TXNDC9: variants seen among roughly 807,000 people sequenced by gnomAD.
The protein encoded by TXNDC9 is thioredoxin domain-containing protein 9.
A neutral mutation model predicts 23.0 loss-of-function variants in TXNDC9; 7 were observed. The ratio of observed to expected loss-of-function variants is 0.30; its 90% confidence interval spans 0.17 to 0.57. The LOEUF (loss-of-function observed/expected upper bound fraction) is 0.57. TXNDC9 is among the 20% of genes least tolerant of loss of function. The pLI is 0.90. For synonymous variants in TXNDC9, 72 were observed against 90.6 expected, an observed-to-expected ratio of 0.79 and a Z score of 1.17; for missense variants, 198 against 252.6, an observed-to-expected ratio of 0.78 and a Z score of 1.47.
At chr2:99,329,064 G>C (rs955033743) in intron 2 of TXNDC9, among the ~76,000 whole-genome samples, 1 of 152,152 alleles carries the variant, frequency 6.6e-6, no homozygotes, top group Non-Finnish European at 1.5e-5. Flanking sequence ...CAGCTCTGAA[G>C]CTCAAGAGCC....
At chr2:99,335,279 C>T (rs1031367719) in intron 1 of TXNDC9, among the ~76,000 whole-genome samples, 1 of 152,272 alleles carries the variant, frequency 6.6e-6, no homozygotes, top group African/African-American at 2.4e-5. Flanking sequence ...CCTCTATAAA[C>T]GTTGAGCTGA....
the TXNDC9 span, among the ~76,000 whole-genome samples, chr2:99,309,560 A>C: frequency 3.9e-3 from 597 of 151,750 alleles, 5 homozygotes; most frequent in African/African-American, 0.014. Context: ...GGGGCTGGAC[A>C]TGGTGGCTCA....
downstream of TXNDC9, among the ~76,000 whole-genome samples, chr2:99,316,591 TTAA>T (rs1484439034): frequency 6.6e-6 from 1 of 152,156 alleles, no homozygotes; most frequent in Non-Finnish European, 1.5e-5. Flanking sequence ...TGATCTTGGA[TTAA>T]TGTTTTCATC....
rs146892716 is a variant in TXNDC9 at position 99,324,305 on chromosome 2, G to A, written c.309-2096C>T. Among the ~76,000 whole-genome samples, 541 of 152,226 alleles carry A rather than the reference G, an allele frequency of 3.6e-3. 4 individuals are homozygous for A. The highest frequency in any genetic ancestry group is 0.013 in the African/African-American group (523 of 41,536). Reference sequence around the variant, plus strand: ...TTATTTTTACCAGTAAGCTTTTTGTGCACTTGATGTAGTTTTTCCTGAACT... The same window carrying A: ...TTATTTTTACCAGTAAGCTTTTTGTACACTTGATGTAGTTTTTCCTGAACT... On this transcript the variant is annotated intron_variant, in intron 3 of 4. Coordinates refer to ENST00000264255, the MANE Select transcript of TXNDC9 (RefSeq NM_005783.4).
chr2:99,334,813 G>A (rs1383157850), intron 1 of TXNDC9, among the ~76,000 whole-genome samples: 1 of 152,140 alleles, frequency 6.6e-6, no homozygotes, highest in Non-Finnish European at 1.5e-5. Context: ...CTGGGTTCAC[G>A]CCATTCTCCT....
the TXNDC9 span, among the ~76,000 whole-genome samples, chr2:99,307,001 A>C: frequency 2.6e-5 from 3 of 116,606 alleles, no homozygotes; most frequent in African/African-American, 3.2e-5. Context: ...CACCAAGTTC[A>C]ATTCCCTCCC....
At chr2:99,309,712 A>G in the TXNDC9 span, among the ~76,000 whole-genome samples, 1 of 151,886 alleles carries the variant, frequency 6.6e-6, no homozygotes, top group Admixed American at 6.6e-5. Flanking sequence ...TTTGAGACAG[A>G]GTCTCACTCT....
chr2:99,325,385 T>C (rs2094210862), intron 3 of TXNDC9, among the ~76,000 whole-genome samples: 1 of 152,196 alleles, frequency 6.6e-6, no homozygotes, highest in Non-Finnish European at 1.5e-5. Context: ...CAAATCTTGG[T>C]TTCCATACAT....
At chr2:99,322,281 A>C in intron 3 of TXNDC9, 72 bp from the exon 4 acceptor site, 2 of 1,530,258 alleles carry the variant, frequency 1.3e-6, no homozygotes, top group Admixed American at 2.1e-5. Flanking sequence ...AATATCATCA[A>C]GGGAAATCTA....
chr2:99,334,520 C>A (rs1039692615), intron 1 of TXNDC9, among the ~76,000 whole-genome samples: 10 of 152,184 alleles, frequency 6.6e-5, no homozygotes, highest in Admixed American at 3.3e-4. Context: ...TACTCCTAGG[C>A]TACAAATCTG....
chr2:99,308,693 A>C, the TXNDC9 span, among the ~76,000 whole-genome samples: 2 of 152,014 alleles, frequency 1.3e-5, no homozygotes. Context: ...AAATTTAAAA[A>C]TTTAAACATT....
intron 1 of TXNDC9, among the ~76,000 whole-genome samples, chr2:99,335,208 T>C (rs565886112): frequency 2.0e-5 from 3 of 152,312 alleles, no homozygotes; most frequent in African/African-American, 7.2e-5. Flanking sequence ...CACCCCAAAC[T>C]TCACAACAAA....
chr2:99,336,081 C>T (rs996554798), intron 1 of TXNDC9, among the ~76,000 whole-genome samples, 158 bp downstream of exon 1: 1 of 152,288 alleles, frequency 6.6e-6, no homozygotes, highest in African/African-American at 2.4e-5. Flanking sequence ...GTGGCCCCAA[C>T]TTCGACGCCT....
downstream of TXNDC9, among the ~76,000 whole-genome samples, chr2:99,318,663 G>A (rs1038960988): frequency 6.6e-6 from 1 of 152,174 alleles, no homozygotes; most frequent in Non-Finnish European, 1.5e-5. Flanking sequence ...CTCTACGTAC[G>A]AGTAAAGAGC....
chr2:99,319,682 C>G lies in TXNDC9; in HGVS notation c.681G>C (p.Ter227TyrextTer78), dbSNP rs1356393925. 6.4e-7 allele frequency: 1 copy of G among 1,563,834 alleles called. No individual in the cohort carries two copies. The highest frequency in any genetic ancestry group is 2.3e-5 in the East Asian group (1 of 44,370). Residue 227 changes from the stop codon to tyrosine (Y), a stop_lost, in exon 5 of 5, where the codon TAG becomes TAC. Coordinates refer to ENST00000264255, the MANE Select transcript of TXNDC9 (RefSeq NM_005783.4). ...KKYDSDSDDD[*>Y] ...ACAATTTACAAAGAATTATTGAGCT[C>G]TAATCATCATCAGAGTCTGAATCAT...
In TXNDC9 at chr2:99,322,164, G is replaced by T. The variant is rs908232770; in HGVS notation, c.354C>A (p.His118Gln). ...TCAGCTTCAAAAATTTGGTCTCGAG[G>T]TGTTTCTTGGACAATATTGCCAGAT... ...DRHLAILSKK[H>Q]LETKFLKLNV... Residue 118 changes from histidine (H) to glutamine (Q), a missense_variant, in exon 4 of 5, where the codon CAC (histidine) becomes CAA (glutamine). Physicochemically the swap from His to Gln is conservative, Grantham distance 24. Coordinates refer to ENST00000264255, the MANE Select transcript of TXNDC9 (RefSeq NM_005783.4). 3.1e-6 allele frequency: 5 copies of T among 1,613,978 alleles called. No homozygotes were observed. In the Admixed American group the frequency reaches 6.7e-5, roughly 22 times the overall value.
chr2:99,333,473 T>TATGTTTTACTATATGTG (rs1411971421), intron 1 of TXNDC9, among the ~76,000 whole-genome samples: 7 of 152,202 alleles, frequency 4.6e-5, no homozygotes, highest in African/African-American at 1.7e-4. Flanking sequence ...TTAGGGTGCT[T>TATGTTTTACTATATGTG]CTGATTTAGC....
intron 2 of TXNDC9, among the ~76,000 whole-genome samples, chr2:99,329,627 C>G (rs948038523): frequency 4.0e-4 from 61 of 152,202 alleles, no homozygotes; most frequent in African/African-American, 1.4e-3. Context: ...TGACATATGA[C>G]ATTTCATGAC....
chr2:99,306,877 A>G, the TXNDC9 span: 1 of 422,470 alleles, frequency 2.4e-6, no homozygotes, highest in Non-Finnish European at 4.8e-6. Flanking sequence ...TGTCAGAGGC[A>G]TTATAAAGAC....
Sources: gnomAD v4.1 joint callset for allele counts (sites outside exome capture counted in the v4.1 genomes callset) on GRCh38, gnomAD v4.1.1 for gene constraint, MANE v1.5 for transcripts, NCBI Gene and HGNC (gene_info 2026-07-23, HGNC 2026-07-21) for gene names.